NRXN1: variants seen among roughly 807,000 people sequenced by gnomAD.
The protein encoded by NRXN1 is neurexin-1.
Under a neutral mutation model 150.9 loss-of-function variants are expected in NRXN1, and 39 were observed. That is an observed-to-expected ratio of 0.26 (90% CI 0.20 to 0.34). The LOEUF (loss-of-function observed/expected upper bound fraction) is 0.34, where lower values mean the gene tolerates loss of function less well. Ranked by LOEUF, NRXN1 falls within the 10% of genes least tolerant of loss-of-function variation. The pLI, the probability that NRXN1 is intolerant of heterozygous loss-of-function variation, is 1.00. For synonymous variants in NRXN1, 924 were observed against 757.0 expected (o/e 1.22, Z -3.62); for missense variants, 1,815 against 1,949.9 (o/e 0.93, Z 1.30).
chr2:50,204,207 T>C (rs746678586), intron 18 of NRXN1, among the ~76,000 whole-genome samples: 3 of 152,092 alleles, frequency 2.0e-5, no homozygotes, highest in Non-Finnish European at 4.4e-5. Flanking sequence ...ATAATACAAC[T>C]AGGTGAAGTT....
chr2:50,870,645 T>C (rs987598916), intron 5 of NRXN1, among the ~76,000 whole-genome samples: 7 of 151,970 alleles, frequency 4.6e-5, no homozygotes, highest in Non-Finnish European at 1.0e-4. Flanking sequence ...TGTGTTGCCC[T>C]ATTATCTTCT....
intron 1 of NRXN1, among the ~76,000 whole-genome samples, chr2:51,031,718 C>T (rs1050776024): frequency 6.6e-6 from 1 of 152,052 alleles, no homozygotes; most frequent in Non-Finnish European, 1.5e-5. Context: ...TGATATCTAG[C>T]CTGTCTCTTA....
At chr2:50,926,470 T>G (rs1275777040) in intron 2 of NRXN1, among the ~76,000 whole-genome samples, 1 of 151,958 alleles carries the variant, frequency 6.6e-6, no homozygotes, top group Middle Eastern at 3.2e-3. Context: ...CTCAATTGCT[T>G]TCCTTAAAGA....
chr2:50,100,309 G>A (rs1484947325), intron 18 of NRXN1, among the ~76,000 whole-genome samples: 1 of 151,962 alleles, frequency 6.6e-6, no homozygotes, highest in Non-Finnish European at 1.5e-5. Flanking sequence ...AGGATTTAGT[G>A]GTCGTAAAGT....
At chr2:50,910,379 G>C (rs1201335343) in intron 5 of NRXN1, among the ~76,000 whole-genome samples, 1 of 151,930 alleles carries the variant, frequency 6.6e-6, no homozygotes, top group Non-Finnish European at 1.5e-5. Flanking sequence ...ATAGCTAAAA[G>C]AGATTTTTAG....
chr2:50,934,676 T>G (rs1407714659), intron 2 of NRXN1, among the ~76,000 whole-genome samples: 2 of 152,190 alleles, frequency 1.3e-5, no homozygotes, highest in Non-Finnish European at 2.9e-5. Flanking sequence ...ATTCATATAA[T>G]GTACATATTA....
intron 17 of NRXN1, among the ~76,000 whole-genome samples, chr2:50,252,258 CTTTTTTTTTTTT>C (rs143522284): frequency 8.6e-5 from 6 of 69,710 alleles, no homozygotes; most frequent in East Asian, 8.7e-4. Context: ...TTTTTCTTTT[CTTTTTTTTTTTT>C]TTTTTTTGAG....
chr2:50,825,127 C>T (rs1269330748), intron 5 of NRXN1, among the ~76,000 whole-genome samples: 1 of 152,118 alleles, frequency 6.6e-6, no homozygotes, highest in Non-Finnish European at 1.5e-5. Flanking sequence ...AAATAGGGCA[C>T]CCACATCCTT....
chr2:50,619,280 G>A (rs1481115838), intron 8 of NRXN1: 1 of 152,032 alleles, frequency 6.6e-6, no homozygotes, highest in African/African-American at 2.4e-5. Context: ...AAAGAAATTG[G>A]ATTGTGTCTG....
chr2:50,749,119 TATAGAA>T (rs201923710), intron 5 of NRXN1, among the ~76,000 whole-genome samples: 1,963 of 152,272 alleles, frequency 0.013, 24 homozygotes, highest in Non-Finnish European at 0.019. Context: ...AAGTCTGTTT[TATAGAA>T]AACCTATTTT....
intron 19 of NRXN1, among the ~76,000 whole-genome samples, chr2:50,076,270 C>T (rs1224687339): frequency 6.6e-6 from 1 of 152,070 alleles, no homozygotes; most frequent in African/African-American, 2.4e-5. Flanking sequence ...GTCTGACAGC[C>T]AAGAGAAAAT....
chr2:50,647,599 T>C (rs1248584665), intron 5 of NRXN1, among the ~76,000 whole-genome samples: 1 of 151,970 alleles, frequency 6.6e-6, no homozygotes, highest in Non-Finnish European at 1.5e-5. Flanking sequence ...GCAACTCATA[T>C]AAAGACCCAA....
chr2:50,342,420 A>T (rs747281885), intron 17 of NRXN1, among the ~76,000 whole-genome samples: 5 of 152,272 alleles, frequency 3.3e-5, no homozygotes, highest in African/African-American at 1.2e-4. Flanking sequence ...TGGGTCACAC[A>T]TATGAATTCA....
intron 17 of NRXN1, among the ~76,000 whole-genome samples, chr2:50,273,853 G>T (rs769525402): frequency 1.4e-4 from 21 of 152,150 alleles, no homozygotes; most frequent in African/African-American, 5.1e-4. Context: ...TTAGAATGGC[G>T]ATCATTAAAA....
chr2:51,029,701 A>G (rs574965514), intron 1 of NRXN1, among the ~76,000 whole-genome samples: 4 of 152,360 alleles, frequency 2.6e-5, no homozygotes, highest in East Asian at 1.9e-4. Context: ...TAGAAGGAAT[A>G]TTGATGGTTT....
At chr2:50,259,846 C>T (rs923636376) in intron 17 of NRXN1, among the ~76,000 whole-genome samples, 3 of 151,826 alleles carry the variant, frequency 2.0e-5, no homozygotes, top group Non-Finnish European at 4.4e-5. Context: ...TTTATCGGTA[C>T]AAGTTATTGT....
chr2:50,213,348 G>A (rs1207354408), intron 18 of NRXN1, among the ~76,000 whole-genome samples: 2 of 151,748 alleles, frequency 1.3e-5, no homozygotes, highest in Non-Finnish European at 2.9e-5. Context: ...ATAGAATGAA[G>A]GAATAAAAGC....
At chr2:50,564,696 CTGT>C (rs1381770945) in intron 8 of NRXN1, among the ~76,000 whole-genome samples, 1 of 151,966 alleles carries the variant, frequency 6.6e-6, no homozygotes, top group African/African-American at 2.4e-5. Context: ...ACACATGTAA[CTGT>C]TGTTCATTTC....
intron 12 of NRXN1, among the ~76,000 whole-genome samples, chr2:50,525,475 G>A (rs189761481): frequency 6.6e-6 from 1 of 152,314 alleles, no homozygotes; most frequent in Non-Finnish European, 1.5e-5. Context: ...ACAGAGGAGA[G>A]TGGTGAGCCA....
Sources: allele counts gnomAD v4.1 joint callset (sites outside exome capture counted in the v4.1 genomes callset), GRCh38; gene constraint gnomAD v4.1.1; transcripts MANE v1.5; gene names NCBI Gene and HGNC (gene_info 2026-07-23, HGNC 2026-07-21).